Variants in IGF2BP3 observed in about 807,000 individuals in gnomAD.
IGF2BP3 encodes the protein insulin like growth factor 2 mRNA binding protein 3, also known as insulin-like growth factor 2 mRNA-binding protein 3.
Under a neutral mutation model 73.8 loss-of-function variants are expected in IGF2BP3, and 9 were observed. The observed-to-expected ratio is 0.12, with a 90% CI of 0.07 to 0.21. The LOEUF (loss-of-function observed/expected upper bound fraction) is 0.21. IGF2BP3 is among the 10% of genes least tolerant of loss of function. The pLI is 1.00. For missense variants in IGF2BP3, 542 were observed against 714.0 expected, an observed-to-expected ratio of 0.76 and a Z score of 2.75; for synonymous variants, 258 against 256.7, an observed-to-expected ratio of 1.01 and a Z score of -0.05.
intron 7 of IGF2BP3, 122 bp downstream of exon 7, chr7:23,347,478 G>A (rs1784857505): frequency 1.0e-6 from 1 of 992,434 alleles, no homozygotes; most frequent in South Asian, 1.6e-5. Context: ...GCCAACCACT[G>A]TAGCTCATCA....
chr7:23,410,123 C>T (rs1786971347), intron 3 of IGF2BP3, among the ~76,000 whole-genome samples: 1 of 151,958 alleles, frequency 6.6e-6, no homozygotes, highest in African/African-American at 2.4e-5. Flanking sequence ...GAGCCGAGAT[C>T]GCACCATTGC....
intron 10 of IGF2BP3, among the ~76,000 whole-genome samples, chr7:23,322,139 T>C (rs1179038366): frequency 6.6e-6 from 1 of 152,016 alleles, no homozygotes; most frequent in African/African-American, 2.4e-5. Context: ...CGGGAGGAAA[T>C]TCAAACCAAA....
intron 2 of IGF2BP3, among the ~76,000 whole-genome samples, chr7:23,456,981 G>A (rs1437440140): frequency 9.2e-5 from 14 of 152,182 alleles, no homozygotes; most frequent in African/African-American, 3.4e-4. Context: ...ACCGGGAGGC[G>A]GAGGTTGCAG....
At chr7:23,346,285 T>C (rs1784826111) in intron 7 of IGF2BP3, 12 of 460,186 alleles carry the variant, frequency 2.6e-5, no homozygotes, top group Non-Finnish European at 4.6e-5. Flanking sequence ...CTTATTTTAT[T>C]CACTTCAGGA....
At chr7:23,393,951 A>G (rs1422934968) in intron 3 of IGF2BP3, among the ~76,000 whole-genome samples, 1 of 152,198 alleles carries the variant, frequency 6.6e-6, no homozygotes, top group Non-Finnish European at 1.5e-5. Context: ...CAGTCGAGTT[A>G]TTAGGAGGGT....
intron 10 of IGF2BP3, among the ~76,000 whole-genome samples, chr7:23,339,058 A>G (rs1784644559): frequency 6.6e-6 from 1 of 152,240 alleles, no homozygotes; most frequent in South Asian, 2.1e-4. Context: ...CCTTGAAACC[A>G]CCAGACTGTT....
rs139269463 is a variant in IGF2BP3, at chr7:23,397,659, C to G, written c.285+21117G>C. 3.1e-3 allele frequency among the ~76,000 whole-genome samples: 470 copies of G among 152,302 alleles called. 4 individuals carry two copies. The highest frequency in any genetic ancestry group is 0.01 in the African/African-American group (435 of 41,548). On this transcript the variant is annotated intron_variant, in intron 3 of 14. Coordinates refer to ENST00000258729, the MANE Select transcript of IGF2BP3 (RefSeq NM_006547.3). ...AAATGTATTCTGCATAGAAATCCCT[C>G]TAGGTACTGAAGAACTTTATCTTAA...
chr7:23,321,404 C>T (rs957784479), intron 10 of IGF2BP3, among the ~76,000 whole-genome samples: 2 of 152,232 alleles, frequency 1.3e-5, no homozygotes, highest in Admixed American at 6.5e-5. Flanking sequence ...ATATCCCGCA[C>T]CTGGCTCGGA....
chr7:23,384,440 G>C (rs905327235), intron 3 of IGF2BP3, among the ~76,000 whole-genome samples: 3 of 152,164 alleles, frequency 2.0e-5, no homozygotes, highest in Admixed American at 1.3e-4. Context: ...TGGGTGAATT[G>C]TATGGTATTT....
At chr7:23,320,700 C>T (rs549599223) in intron 10 of IGF2BP3, among the ~76,000 whole-genome samples, 1 of 146,362 alleles carries the variant, frequency 6.8e-6, no homozygotes, top group South Asian at 2.2e-4. Context: ...GTAATCCCAG[C>T]ACTTTGGGAG....
intron 12 of IGF2BP3, among the ~76,000 whole-genome samples, chr7:23,314,202 A>C (rs1025969425): frequency 2.2e-5 from 3 of 135,944 alleles, no homozygotes; most frequent in Non-Finnish European, 3.1e-5. Flanking sequence ...TTTTTTTTTG[A>C]GACGGAGTCT....
intron 7 of IGF2BP3, among the ~76,000 whole-genome samples, chr7:23,347,359 C>G (rs1294339713): frequency 6.6e-6 from 1 of 152,144 alleles, no homozygotes; most frequent in Non-Finnish European, 1.5e-5. Flanking sequence ...AAGTTGCCTT[C>G]TTCTATAGCT....
chr7:23,351,614 G>GA, intron 5 of IGF2BP3, 28 bp from the exon 6 acceptor site: 1 of 1,611,852 alleles, frequency 6.2e-7, no homozygotes, highest in Non-Finnish European at 8.5e-7. Flanking sequence ...GCAGGGGTGG[G>GA]AAAAGGAATC....
chr7:23,463,536 T>C (rs559445956), intron 2 of IGF2BP3, among the ~76,000 whole-genome samples: 2 of 152,236 alleles, frequency 1.3e-5, no homozygotes, highest in Non-Finnish European at 1.5e-5. Context: ...TTGAGCACAA[T>C]GGCAAAACCT....
chr7:23,317,748 C>CA, intron 11 of IGF2BP3, 35 bp from the exon 12 acceptor site: 2 of 1,542,706 alleles, frequency 1.3e-6, no homozygotes, highest in Non-Finnish European at 1.8e-6. Context: ...ATGATACTTT[C>CA]AGGTATCACT....
At chr7:23,343,169 G>A (rs111780881) in intron 9 of IGF2BP3, among the ~76,000 whole-genome samples, 4 of 152,198 alleles carry the variant, frequency 2.6e-5, no homozygotes, top group African/African-American at 7.2e-5. Flanking sequence ...TGAAATTCTT[G>A]TATCTCCAAG....
chr7:23,461,157 A>AC (rs1406443356), intron 2 of IGF2BP3, among the ~76,000 whole-genome samples: 2 of 151,372 alleles, frequency 1.3e-5, no homozygotes, highest in African/African-American at 4.9e-5. Context: ...AGCTGATTAC[A>AC]CCCTCCTTCT....
chr7:23,440,137 C>A (rs1787897107), intron 2 of IGF2BP3, among the ~76,000 whole-genome samples: 1 of 152,162 alleles, frequency 6.6e-6, no homozygotes, highest in African/African-American at 2.4e-5. Flanking sequence ...GTGGCACGCG[C>A]CTGCAGTCCC....
intron 2 of IGF2BP3, among the ~76,000 whole-genome samples, chr7:23,466,143 C>G (rs758475945): frequency 7.9e-5 from 12 of 151,982 alleles, no homozygotes; most frequent in Non-Finnish European, 1.8e-4. Flanking sequence ...CTCAGCCTCC[C>G]GAGTAGCTGG....
Sources: gnomAD v4.1 joint callset for allele counts (sites outside exome capture counted in the v4.1 genomes callset) on GRCh38, gnomAD v4.1.1 for gene constraint, MANE v1.5 for transcripts, NCBI Gene and HGNC (gene_info 2026-07-23, HGNC 2026-07-21) for gene names.